The following CFAP20DC variants were observed in gnomAD, a reference collection of about 807,000 sequenced individuals.
CFAP20DC encodes the protein protein CFAP20DC.
In CFAP20DC, 84 loss-of-function variants were observed where a neutral mutation model predicts 101.7. The ratio of observed to expected loss-of-function variants is 0.83; its 90% CI spans 0.69 to 0.99. The LOEUF is 0.99. CFAP20DC is among the 50% of genes least tolerant of loss of function. The pLI, the probability that CFAP20DC is intolerant of heterozygous loss-of-function variation, is 0.00. For missense variants in CFAP20DC, 1,007 were observed against 970.3 expected, an observed-to-expected ratio of 1.04 and a Z score of -0.50; for synonymous variants, 359 against 351.2, an observed-to-expected ratio of 1.02 and a Z score of -0.25.
At chr3:58,759,566 T>C (rs1307112313) in intron 15 of CFAP20DC, among the ~76,000 whole-genome samples, 2 of 152,226 alleles carry the variant, frequency 1.3e-5, no homozygotes, top group East Asian at 3.8e-4. Context: ...ATTTTGGCTT[T>C]TGTTGCCACT....
chr3:58,879,740 G>C (rs1160675469), intron 7 of CFAP20DC, among the ~76,000 whole-genome samples: 1 of 151,974 alleles, frequency 6.6e-6, no homozygotes, highest in East Asian at 1.9e-4. Flanking sequence ...GAGTGTCTTG[G>C]GGGTTGGTGG....
Position 58,810,943 on chromosome 3 carries a change from T to G in CFAP20DC, c.2176-4487A>C, listed in dbSNP as rs540200282. ...ACAGAGAGCCAAATCATGAGTGAAC[T>G]CCCATGCACAATTGCTTCAAAGAGA... On this transcript the variant is annotated intron_variant, in intron 14 of 16. Transcript: ENST00000482387. Among the ~76,000 whole-genome samples the G allele has an allele frequency of 7.9e-3, 1,195 of 151,930 alleles. 19 individuals carry two copies. Among genetic ancestry groups the G allele is most frequent in the African/African-American group, 0.028 (1,142 of 41,374 alleles).
rs572785473 is a variant in CFAP20DC at position 58,972,950 on chromosome 3, C to T, written c.279-35188G>A. Among the ~76,000 whole-genome samples, 10 of 152,202 alleles carry T rather than the reference C, an allele frequency of 6.6e-5. No homozygotes were observed. In the South Asian group the frequency reaches 2.1e-3, roughly 32 times the overall value. On this transcript the variant is annotated intron_variant, in intron 4 of 16. Coordinates refer to ENST00000482387, the MANE Select transcript of CFAP20DC (RefSeq NM_001394063.1). ...TTCACATTTGATTTCTGAAGCATCCCTTATTTTCATTTTCCTTTTCTCTAA... is the reference window on the plus strand; with the variant it reads ...TTCACATTTGATTTCTGAAGCATCCTTTATTTTCATTTTCCTTTTCTCTAA...
At position 58,869,564 on chromosome 3, in the gene CFAP20DC, C is replaced by A; in HGVS notation, c.853-74G>T. ...TTTTCTGTAGAAGCTATATAGAAAA[C>A]ATAATATTTGGACCAATGAAGAGTG... On this transcript the variant is annotated intron_variant, in intron 8 of 16. Transcript: ENST00000482387. This position sits in a 1 kb window ranked among gnomAD's most constrained non-coding sequence, Gnocchi z 4.3. The A allele has an allele frequency of 2.2e-5, 27 of 1,210,988 alleles. No individual in the cohort carries two copies. The highest frequency in any genetic ancestry group is 8.2e-5 in the South Asian group (4 of 48,570). The allele number at this position is 1,210,988 out of a possible 1,614,324, so 75.0% of individuals were successfully genotyped here. A position where few individuals can be genotyped will look rare whatever the true frequency, so the allele number is the denominator to read the frequency against.
intron 4 of CFAP20DC, among the ~76,000 whole-genome samples, chr3:58,986,605 T>C (rs1232786133): frequency 6.6e-6 from 1 of 152,196 alleles, no homozygotes; most frequent in Non-Finnish European, 1.5e-5. Flanking sequence ...AAGTCGACTG[T>C]GAGAAATTAA....
intron 15 of CFAP20DC, among the ~76,000 whole-genome samples, chr3:58,755,024 G>C (rs1219055082): frequency 1.3e-5 from 2 of 152,070 alleles, no homozygotes; most frequent in Admixed American, 1.3e-4. Context: ...AATAAACCAA[G>C]GTAGAAATGG....
rs56774068 is a variant in CFAP20DC, at chr3:58,814,553, G to C, written c.2176-8097C>G. ...AATAAAGGGTATTCAATTAGGAAAA[G>C]AGGAAGTCAAATTGTCTCTGTTTGC... On this transcript the variant is annotated intron_variant, in intron 14 of 16. Transcript: ENST00000482387. Among the ~76,000 whole-genome samples, 415 of 151,406 alleles carry C rather than the reference G, an allele frequency of 2.7e-3. 9 individuals carry two copies. The highest frequency in any genetic ancestry group is 9.3e-3 in the African/African-American group (379 of 40,854).
chr3:58,801,050 T>TGAGAGAGAGAGAGAGAGGGAGAGAGAGA (rs2073657665), intron 15 of CFAP20DC, among the ~76,000 whole-genome samples: 1 of 131,682 alleles, frequency 7.6e-6, no homozygotes, highest in African/African-American at 3.1e-5. Context: ...GGGGAGTAAG[T>TGAGAGAGAGAGAGAGAGGGAGAGAGAGA]GAGAGAGAGA....
At chr3:58,873,837 G>T (rs970091437) in intron 7 of CFAP20DC, among the ~76,000 whole-genome samples, 1 of 152,130 alleles carries the variant, frequency 6.6e-6, no homozygotes, top group Non-Finnish European at 1.5e-5. Context: ...TCAGGCAGGT[G>T]TTGAAGCAGA....
chr3:58,985,439 C>T (rs2092718703), intron 4 of CFAP20DC, among the ~76,000 whole-genome samples: 1 of 152,122 alleles, frequency 6.6e-6, no homozygotes, highest in Non-Finnish European at 1.5e-5. Context: ...CTTAACACAT[C>T]TTTAGAAAAA....
chr3:58,826,671 A>G (rs2076062221), intron 14 of CFAP20DC, among the ~76,000 whole-genome samples: 1 of 152,196 alleles, frequency 6.6e-6, no homozygotes, highest in African/African-American at 2.4e-5. Flanking sequence ...AATATTATTG[A>G]TTGATTCATT....
intron 15 of CFAP20DC, 44 bp downstream of exon 15, chr3:58,806,351 T>G (rs767508386): frequency 7.7e-7 from 1 of 1,305,052 alleles, no homozygotes; most frequent in South Asian, 1.2e-5. Flanking sequence ...ATCTTCCAAC[T>G]AAGTTTTTTT....
chr3:58,989,790 A>C (rs1371446385), intron 4 of CFAP20DC, among the ~76,000 whole-genome samples: 2 of 152,192 alleles, frequency 1.3e-5, no homozygotes, highest in African/African-American at 4.8e-5. Flanking sequence ...TTACAAAATT[A>C]ATGCTTACCA....
chr3:58,765,490 C>CAAAAAAAAAAAAAAAAAAAAAAAAA (rs1337049385), intron 15 of CFAP20DC, among the ~76,000 whole-genome samples: 20 of 81,820 alleles, frequency 2.4e-4, no homozygotes, highest in Non-Finnish European at 3.5e-4. Context: ...AAAAAAAAAC[C>CAAAAAAAAAAAAAAAAAAAAAAAAA]AAAAAAAAAA....
intron 4 of CFAP20DC, among the ~76,000 whole-genome samples, chr3:58,938,082 T>C (rs920164821): frequency 6.6e-6 from 1 of 152,202 alleles, no homozygotes; most frequent in African/African-American, 2.4e-5. Context: ...TTAATAACCA[T>C]ACTTGTTCCA....
chr3:58,742,510 G>C lies in CFAP20DC; in HGVS notation c.2395C>G (p.Leu799Val). Residue 799 changes from leucine (L) to valine (V), a missense_variant, in exon 17 of 17, where the codon CTG (leucine) becomes GTG (valine). Physicochemically the swap from Leu to Val is conservative, Grantham distance 32 (BLOSUM62 1). Coordinates refer to ENST00000482387, the MANE Select transcript of CFAP20DC (RefSeq NM_001394063.1). ...GTTTGGGGGTCAAAGTAACAGTTCAGACAAGGGTCATACAACAAAGTCAGT... is the reference window on the plus strand; with the variant it reads ...GTTTGGGGGTCAAAGTAACAGTTCACACAAGGGTCATACAACAAAGTCAGT... ...EVLTLLYDPCLNCYFDPQTGK... is the reference protein window; with the variant it reads ...EVLTLLYDPCVNCYFDPQTGK... 1 of 1,609,432 alleles carries C rather than the reference G, an allele frequency of 6.2e-7. No homozygotes were observed. The highest frequency in any genetic ancestry group is 8.5e-7 in the Non-Finnish European group (1 of 1,177,840).
chr3:59,026,342 G>C (rs2093892115), intron 4 of CFAP20DC, among the ~76,000 whole-genome samples: 1 of 152,184 alleles, frequency 6.6e-6, no homozygotes, highest in Non-Finnish European at 1.5e-5. Context: ...ATAGTTTAGA[G>C]ATGTATTCCC....
chr3:58,840,050 G>C (rs2076994459), intron 13 of CFAP20DC, among the ~76,000 whole-genome samples: 1 of 152,194 alleles, frequency 6.6e-6, no homozygotes, highest in South Asian at 2.1e-4. Context: ...TATTTAAAAA[G>C]AGAGCAGAGG....
At chr3:58,821,400 C>G (rs2075633926) in intron 14 of CFAP20DC, among the ~76,000 whole-genome samples, 1 of 152,080 alleles carries the variant, frequency 6.6e-6, no homozygotes, top group Admixed American at 6.5e-5. Context: ...ACTCATCTGA[C>G]AAAGGGCTAA....
Sources: gnomAD v4.1 joint callset for allele counts (sites outside exome capture counted in the v4.1 genomes callset) on GRCh38, gnomAD v4.1.1 for gene constraint, Gnocchi (gnomAD v3.1) non-coding constraint, MANE v1.5 for transcripts, NCBI Gene and HGNC (gene_info 2026-07-23, HGNC 2026-07-21) for gene names.